The following USP34 variants were observed in gnomAD, a reference collection of about 807,000 sequenced individuals.
The protein encoded by USP34 is ubiquitin specific peptidase 34.
USP34 carries 70 observed loss-of-function variants against 460.3 expected under a neutral mutation model. The observed-to-expected ratio is 0.15, with a 90% CI of 0.13 to 0.19. The LOEUF is 0.19. Ranked by LOEUF, USP34 falls within the 10% of genes least tolerant of loss-of-function variation. USP34 has a pLI of 1.00. For missense variants in USP34, 3,985 were observed against 4,236.2 expected, an observed-to-expected ratio of 0.94 and a Z score of 1.65; for synonymous variants, 1,647 against 1,405.3, an observed-to-expected ratio of 1.17 and a Z score of -3.85.
chr2:61,293,851 CA>C (rs1180085073), intron 32 of USP34, among the ~76,000 whole-genome samples: 1 of 151,758 alleles, frequency 6.6e-6, no homozygotes, highest in African/African-American at 2.4e-5. Flanking sequence ...CTCATCTCTA[CA>C]AAAAATAAAA....
intron 1 of USP34, among the ~76,000 whole-genome samples, chr2:61,469,723 G>C (rs1695890909): frequency 6.6e-6 from 1 of 152,204 alleles, no homozygotes; most frequent in African/African-American, 2.4e-5. Context: ...TCATAAGTGA[G>C]CATTTTTTCA....
chr2:61,338,928 A>C lies in USP34; in HGVS notation c.2744+423T>G, dbSNP rs1197540962. On this transcript the variant is annotated intron_variant, in intron 18 of 79. Coordinates refer to ENST00000398571, the MANE Select transcript of USP34 (RefSeq NM_014709.4). The stretch of plus-strand genomic sequence containing the variant: ...TACAAATGCTGAGACATTAAAAGAT[A>C]CATCTAAATGGAAGAACAATACTAA... Among the ~76,000 whole-genome samples, 4 of 152,210 alleles carry C rather than the reference A, an allele frequency of 2.6e-5. No homozygotes were observed. In the East Asian group the frequency reaches 5.8e-4, roughly 22 times the overall value.
In USP34 at chr2:61,343,975, C is replaced by T. The variant is rs370942788; in HGVS notation, c.2340G>A (p.Gln780=). The T allele has an allele frequency of 4.7e-4, 766 of 1,613,862 alleles. 2 individuals are homozygous for T. The highest frequency in any genetic ancestry group is 8.3e-4 in the South Asian group (76 of 91,066). ...TATTTTTTTCTGATTTTGCACTAAC[C>T]TGGGAGCTACTACAACTGACATCAT... The part of the protein sequence containing the change: ...SADDVSCSSS[Q]VSAKSEKNMA... The change falls in exon 16 of 80, where the codon CAG becomes CAA. Residue 780 remains glutamine (Q), a synonymous_variant. Transcript: ENST00000398571.
At chr2:61,306,344 TA>T (rs1690403541) in intron 27 of USP34, among the ~76,000 whole-genome samples, 1 of 152,198 alleles carries the variant, frequency 6.6e-6, no homozygotes, top group African/African-American at 2.4e-5. Context: ...CCCCATTGCT[TA>T]TTTTTGTCAG....
In USP34 at chr2:61,406,000, G is replaced by A. The variant is rs1693859420; in HGVS notation, c.260C>T (p.Thr87Ile). Residue 87 changes from threonine (T) to isoleucine (I), a missense_variant, in exon 3 of 80, where the codon ACC becomes ATC. By Grantham distance (89) the Thr-to-Ile change is moderately conservative. Coordinates refer to ENST00000398571, the MANE Select transcript of USP34 (RefSeq NM_014709.4). ...LRDQLCKHCT[T>I]INIDSTWQDE... ...TTGCCACGTGGAATCTATGTTAATGGTAGTACAATGTTTACAAAGCTGGTC... is the reference window on the plus strand; with the variant it reads ...TTGCCACGTGGAATCTATGTTAATGATAGTACAATGTTTACAAAGCTGGTC... 1 of 1,613,446 alleles carries A rather than the reference G, an allele frequency of 6.2e-7. No individual in the cohort carries two copies. The highest frequency in any genetic ancestry group is 1.3e-5 in the African/African-American group (1 of 74,752).
At chr2:61,409,973 A>G (rs1693992267) in intron 2 of USP34, among the ~76,000 whole-genome samples, 1 of 152,188 alleles carries the variant, frequency 6.6e-6, no homozygotes, top group African/African-American at 2.4e-5. Context: ...TTATTCTATT[A>G]CATTCAATTC....
intron 15 of USP34, among the ~76,000 whole-genome samples, chr2:61,346,747 G>C (rs1338271818): frequency 6.9e-6 from 1 of 145,268 alleles, no homozygotes; most frequent in Non-Finnish European, 1.5e-5. Context: ...CAGAAGAATC[G>C]CTTGAACCTG....
chr2:61,344,632 G>T (rs1056088304), intron 15 of USP34, among the ~76,000 whole-genome samples: 1 of 152,172 alleles, frequency 6.6e-6, no homozygotes, highest in Non-Finnish European at 1.5e-5. Context: ...TAAATCATTA[G>T]GTCTTGTGAG....
rs562088619 is a variant in USP34 at position 61,348,731 on chromosome 2, A to T, written c.1674+25T>A. On this transcript the variant is annotated intron_variant, in intron 14 of 79. Transcript: ENST00000398571. ...CGCCAGAAAGCCAAAAATGCCTATA[A>T]AAGAAGAAAAACCTATTTTCATACC... The T allele has an allele frequency of 3.1e-6, 5 of 1,601,462 alleles. No homozygotes were observed. The South Asian group carries it at 5.6e-5, about 18-fold the overall frequency.
rs10593128 is a variant in USP34, at chr2:61,336,809, C to CAA, written c.2744+2540_2744+2541dup. Reference sequence around the variant, plus strand: ...TGAGAAACTGACTGAGACTCCATCTCAAAAAAAAAAAAAAAAAAAAAAAGC... The same window carrying CAA: ...TGAGAAACTGACTGAGACTCCATCTCAAAAAAAAAAAAAAAAAAAAAAAAAGC... On this transcript the variant is annotated intron_variant, in intron 18 of 79. Coordinates refer to ENST00000398571, the MANE Select transcript of USP34 (RefSeq NM_014709.4). Among the ~76,000 whole-genome samples the CAA allele has an allele frequency of 3.2e-3, 207 of 64,154 alleles. 1 individual carries two copies. Among genetic ancestry groups the CAA allele is most frequent in the African/African-American group, 4.4e-3 (72 of 16,350 alleles). 42.1% of individuals were successfully genotyped at this position (64,154 alleles called of 152,430 possible).
At chr2:61,442,343 G>A (rs1028992728) in intron 1 of USP34, among the ~76,000 whole-genome samples, 1 of 147,958 alleles carries the variant, frequency 6.8e-6, no homozygotes, top group South Asian at 2.1e-4. Flanking sequence ...CAAACTATAC[G>A]CAAATTACTC....
chr2:61,322,725 T>C (rs945393729), intron 21 of USP34, among the ~76,000 whole-genome samples: 1 of 152,232 alleles, frequency 6.6e-6, no homozygotes, highest in African/African-American at 2.4e-5. Flanking sequence ...AGTTATCCTA[T>C]CAGTTTCTCA....
At chr2:61,444,362 G>A (rs766482548) in intron 1 of USP34, among the ~76,000 whole-genome samples, 7 of 152,058 alleles carry the variant, frequency 4.6e-5, no homozygotes, top group East Asian at 3.9e-4. Context: ...CTGAGAAATC[G>A]AAAAAGGAAG....
intron 15 of USP34, among the ~76,000 whole-genome samples, chr2:61,345,760 A>C (rs1691748127): frequency 6.6e-6 from 1 of 152,010 alleles, no homozygotes; most frequent in Non-Finnish European, 1.5e-5. Context: ...TCAGCCTCCC[A>C]ATTATCTAGA....
chr2:61,220,151 TAA>T (rs60784334), intron 67 of USP34, 157 bp downstream of exon 67: 3,090 of 167,252 alleles, frequency 0.018, 12 homozygotes, highest in Admixed American at 0.037. Context: ...TTTCCTATCC[TAA>T]AAAAAAAAAA....
chr2:61,466,038 G>A (rs566683580), intron 1 of USP34, among the ~76,000 whole-genome samples: 1 of 152,108 alleles, frequency 6.6e-6, no homozygotes, highest in Admixed American at 6.6e-5. Flanking sequence ...GGTAGAGGGA[G>A]GGGAGGGATA....
intron 2 of USP34, among the ~76,000 whole-genome samples, chr2:61,407,146 G>T (rs909080517): frequency 6.6e-6 from 1 of 152,232 alleles, no homozygotes; most frequent in Non-Finnish European, 1.5e-5. Context: ...AACACTTTGG[G>T]AGACCAAGGT....
intron 10 of USP34, among the ~76,000 whole-genome samples, chr2:61,356,179 TAAA>T (rs79679650): frequency 7.2e-6 from 1 of 138,810 alleles, no homozygotes; most frequent in Admixed American, 7.2e-5. Flanking sequence ...TGAATGAATT[TAAA>T]AAAAAAAAAA....
chr2:61,222,401 T>C (rs192912591), intron 65 of USP34, among the ~76,000 whole-genome samples: 1,781 of 143,712 alleles, frequency 0.012, 32 homozygotes, highest in African/African-American at 0.042. Context: ...TCTGATACAA[T>C]GAGTCTATAC....
Sources: gnomAD v4.1 joint callset for allele counts (sites outside exome capture counted in the v4.1 genomes callset) on GRCh38, gnomAD v4.1.1 for gene constraint, MANE v1.5 for transcripts, NCBI Gene and HGNC (gene_info 2026-07-23, HGNC 2026-07-21) for gene names.